The following CDC42BPA variants were observed in gnomAD, a reference collection of about 807,000 sequenced individuals.
The protein encoded by CDC42BPA is CDC42 binding protein kinase alpha.
In CDC42BPA, 80 loss-of-function variants were observed where a neutral mutation model predicts 223.5. The observed-to-expected ratio is 0.36, with a 90% CI of 0.30 to 0.43. The LOEUF (loss-of-function observed/expected upper bound fraction) is 0.43, where lower values mean the gene tolerates loss of function less well. CDC42BPA is among the 20% of genes least tolerant of loss of function. The pLI is 1.00. For synonymous variants in CDC42BPA, 694 were observed against 718.6 expected (o/e 0.97, Z 0.55); for missense variants, 1,743 against 2,099.9 (o/e 0.83, Z 3.32).
Position 227,316,987 on chromosome 1 carries a change from T to C in CDC42BPA, c.178+18A>G, listed in dbSNP as rs1425857666. 6.3e-7 allele frequency: 1 copy of C among 1,592,908 alleles called. No homozygotes were observed. Among genetic ancestry groups the C allele is most frequent in the Non-Finnish European group, 8.6e-7 (1 of 1,161,054 alleles). Reference sequence around the variant, plus strand: ...ACCAGCTAAAGATTAACAGTTTCTTTAAAAATTACAAACTTACCCCATTCT... The same window carrying C: ...ACCAGCTAAAGATTAACAGTTTCTTCAAAAATTACAAACTTACCCCATTCT... On this transcript the variant is annotated intron_variant, in intron 1 of 36. Transcript: ENST00000366766.
chr1:227,189,582 G>A (rs895608089), intron 5 of CDC42BPA, among the ~76,000 whole-genome samples: 2 of 152,084 alleles, frequency 1.3e-5, no homozygotes, highest in Non-Finnish European at 2.9e-5. Context: ...AATCTGATAG[G>A]TGATGGAATT....
Position 227,028,739 on chromosome 1 carries a change from G to A in CDC42BPA, c.4350C>T (p.Asn1450=). The A allele has an allele frequency of 6.2e-7, 1 of 1,614,044 alleles. No homozygotes were observed. Among genetic ancestry groups the A allele is most frequent in the East Asian group, 2.2e-5 (1 of 44,884 alleles). The part of the protein sequence containing the change: ...ISSKEYLLCF[N]SIGIYTDCQG... ...GGCAGTCAGTGTATATCCCAATGCTGTTAAAACACAGCAGATATTCTTTAC... is the reference window on the plus strand; with the variant it reads ...GGCAGTCAGTGTATATCCCAATGCTATTAAAACACAGCAGATATTCTTTAC... Residue 1450 remains asparagine, a synonymous_variant, in exon 30 of 37, where the codon AAC becomes AAT. Transcript: ENST00000366766.
intron 15 of CDC42BPA, among the ~76,000 whole-genome samples, chr1:227,099,506 A>C (rs1021491705): frequency 6.6e-6 from 1 of 152,140 alleles, no homozygotes; most frequent in African/African-American, 2.4e-5. Flanking sequence ...CCCTGGTGTT[A>C]AGCAATGCAT....
intron 3 of CDC42BPA, among the ~76,000 whole-genome samples, chr1:227,207,696 C>CAT (rs1673046785): frequency 6.6e-6 from 1 of 150,658 alleles, no homozygotes; most frequent in South Asian, 2.1e-4. Flanking sequence ...GACATGAACT[C>CAT]ATCATTTTTT....
At chr1:227,257,420 T>C (rs1301831710) in intron 1 of CDC42BPA, among the ~76,000 whole-genome samples, 2 of 151,006 alleles carry the variant, frequency 1.3e-5, no homozygotes, top group African/African-American at 5.0e-5. Flanking sequence ...AACAGGTGAA[T>C]TGTTTGGTAT....
chr1:227,160,437 T>C (rs905862257), intron 6 of CDC42BPA, 106 bp downstream of exon 6: 7 of 782,172 alleles, frequency 8.9e-6, no homozygotes, highest in African/African-American at 8.6e-5. Context: ...GACAAATGGA[T>C]GGATGGGTAG....
chr1:227,205,386 AG>A (rs1558758255), intron 3 of CDC42BPA, among the ~76,000 whole-genome samples: 1 of 151,712 alleles, frequency 6.6e-6, no homozygotes, highest in Non-Finnish European at 1.5e-5. Flanking sequence ...TTAAATACAT[AG>A]AAGTGAAAAA....
chr1:227,143,115 A>T (rs953486309), intron 8 of CDC42BPA, 91 bp from the exon 9 acceptor site: 48 of 711,458 alleles, frequency 6.7e-5, no homozygotes, highest in Middle Eastern at 5.3e-4. Flanking sequence ...AGAAATATTT[A>T]AAAAAAAATT....
chr1:227,003,645 T>C (rs1436893583), intron 35 of CDC42BPA, among the ~76,000 whole-genome samples: 1 of 152,208 alleles, frequency 6.6e-6, no homozygotes, highest in East Asian at 1.9e-4. Flanking sequence ...TATAATTTTA[T>C]TCAGGCAGAC....
chr1:227,038,193 T>C (rs1572408885), intron 24 of CDC42BPA, among the ~76,000 whole-genome samples: 1 of 110,562 alleles, frequency 9.0e-6, no homozygotes, highest in East Asian at 1.9e-4. Flanking sequence ...ATCTGATGGT[T>C]TTATAAAGGG....
intron 1 of CDC42BPA, 93 bp downstream of exon 1, chr1:227,316,912 G>C (rs4653822): frequency 0.82 from 724,149 of 885,716 alleles, 296,716 homozygotes; most frequent in East Asian, 0.88. Context: ...TTTTTTCTTT[G>C]AACGGAGTAG....
chr1:227,176,690 A>G (rs898723460), intron 5 of CDC42BPA, among the ~76,000 whole-genome samples: 1 of 152,120 alleles, frequency 6.6e-6, no homozygotes, highest in Non-Finnish European at 1.5e-5. Flanking sequence ...CTCATTTTCT[A>G]GTAGGTTATA....
intron 22 of CDC42BPA, 23 bp downstream of exon 22, chr1:227,051,858 G>C (rs902129576): frequency 1.5e-6 from 2 of 1,294,424 alleles, no homozygotes; most frequent in African/African-American, 1.5e-5. Flanking sequence ...AAGTTGGGGA[G>C]CAGGGATGCT....
chr1:227,143,345 A>G (rs1421782355), intron 8 of CDC42BPA, among the ~76,000 whole-genome samples: 1 of 152,224 alleles, frequency 6.6e-6, no homozygotes, highest in Non-Finnish European at 1.5e-5. Flanking sequence ...TACTTGTGGT[A>G]ATTTTATGAT....
intron 1 of CDC42BPA, among the ~76,000 whole-genome samples, chr1:227,268,440 C>T (rs143024690): frequency 6.6e-6 from 1 of 151,740 alleles, no homozygotes; most frequent in African/African-American, 2.4e-5. Context: ...AAGACACACG[C>T]CCCCACCAGG....
At chr1:227,065,661 G>A (rs938164067) in intron 21 of CDC42BPA, among the ~76,000 whole-genome samples, 6 of 152,172 alleles carry the variant, frequency 3.9e-5, no homozygotes, top group African/African-American at 9.7e-5. Context: ...ACTTAAAACC[G>A]TACTGTTTTA....
intron 1 of CDC42BPA, among the ~76,000 whole-genome samples, chr1:227,308,016 T>C (rs1692857716): frequency 6.6e-6 from 1 of 152,198 alleles, no homozygotes; most frequent in African/African-American, 2.4e-5. Flanking sequence ...AAGCTTATCC[T>C]GTAAGATTTT....
chr1:227,216,885 C>A (rs1031186793), intron 2 of CDC42BPA, among the ~76,000 whole-genome samples: 11 of 152,038 alleles, frequency 7.2e-5, no homozygotes, highest in African/African-American at 2.7e-4. Flanking sequence ...GTTAGAAAAC[C>A]TGTAATAATA....
At chr1:227,299,388 T>C (rs1691248535) in intron 1 of CDC42BPA, among the ~76,000 whole-genome samples, 1 of 152,198 alleles carries the variant, frequency 6.6e-6, no homozygotes, top group African/African-American at 2.4e-5. Flanking sequence ...TCCTTTGTCA[T>C]TTCCAAATAC....
Sources: gnomAD v4.1 joint callset for allele counts (sites outside exome capture counted in the v4.1 genomes callset) on GRCh38, gnomAD v4.1.1 for gene constraint, MANE v1.5 for transcripts, NCBI Gene and HGNC (gene_info 2026-07-23, HGNC 2026-07-21) for gene names.